Variants in PRELID2 observed in about 807,000 individuals in gnomAD.
PRELID2 encodes PRELI domain-containing protein 2.
PRELID2 carries 25 observed loss-of-function variants against 28.4 expected under a neutral mutation model. The observed-to-expected ratio is 0.88, with a 90% confidence interval of 0.64 to 1.23. The LOEUF (loss-of-function observed/expected upper bound fraction) is 1.23. Among genes scored for constraint, PRELID2 ranks in the 50% most tolerant of loss-of-function variants. The pLI, the probability that PRELID2 is intolerant of heterozygous loss-of-function variation, is 0.00. For synonymous variants in PRELID2, 76 were observed against 71.6 expected (o/e 1.06, Z -0.31); for missense variants, 201 against 214.4 (o/e 0.94, Z 0.39).
At chr5:145,772,041 A>C (rs1758140491) in intron 5 of PRELID2, among the ~76,000 whole-genome samples, 1 of 152,236 alleles carries the variant, frequency 6.6e-6, no homozygotes, top group African/African-American at 2.4e-5. Flanking sequence ...GCAACTTTTA[A>C]TCTGATGCTG....
chr5:145,284,892 G>T, the PRELID2 span, among the ~76,000 whole-genome samples: 3 of 151,992 alleles, frequency 2.0e-5, no homozygotes, highest in Non-Finnish European at 4.4e-5. Flanking sequence ...ATTCAGGAGG[G>T]AAAGAATGCA....
intron 1 of PRELID2, among the ~76,000 whole-genome samples, chr5:145,520,502 AT>A (rs1465318035): frequency 6.6e-6 from 1 of 152,048 alleles, no homozygotes; most frequent in East Asian, 1.9e-4. Flanking sequence ...GTTGTGCCTC[AT>A]CTGTTCACCT....
intron 1 of PRELID2, among the ~76,000 whole-genome samples, chr5:145,580,220 A>G (rs897303099): frequency 2.0e-5 from 3 of 152,114 alleles, no homozygotes; most frequent in African/African-American, 7.2e-5. Context: ...AATGGGCTAT[A>G]GATAACCAAA....
chr5:145,420,280 T>TA, the PRELID2 span, among the ~76,000 whole-genome samples: 58 of 152,258 alleles, frequency 3.8e-4, no homozygotes, highest in African/African-American at 1.3e-3. Flanking sequence ...AAGTCATTGG[T>TA]AGCTTGATGG....
At chr5:145,767,241 A>C (rs1417493935) in intron 5 of PRELID2, among the ~76,000 whole-genome samples, 1 of 151,094 alleles carries the variant, frequency 6.6e-6, no homozygotes, top group Non-Finnish European at 1.5e-5. Flanking sequence ...GCTTGACTTC[A>C]GAGGGATGGC....
At chr5:145,258,530 C>T in the PRELID2 span, among the ~76,000 whole-genome samples, 1 of 151,928 alleles carries the variant, frequency 6.6e-6, no homozygotes, top group Admixed American at 6.6e-5. Flanking sequence ...GTGCCTCTGC[C>T]CAAGGGATAG....
In PRELID2 at chr5:145,630,513, G is replaced by A. The variant is rs1014660218; in HGVS notation, n.70+134418C>T. ...ACAAGCCTGCCTTGAGTGAGTCTGA[G>A]TAAACTGTATCAGCAACATCCCATT... On this transcript the variant is annotated intron_variant and non_coding_transcript_variant, in intron 1 of 2. Coordinates refer to the PRELID2 transcript ENST00000510259. Among the ~76,000 whole-genome samples the A allele has an allele frequency of 5.9e-5, 9 of 152,270 alleles. No individual in the cohort carries two copies. The East Asian group carries it at 1.7e-3, about 29-fold the overall frequency.
the PRELID2 span, among the ~76,000 whole-genome samples, chr5:145,380,628 A>G: frequency 6.6e-6 from 1 of 152,144 alleles, no homozygotes; most frequent in Non-Finnish European, 1.5e-5. Context: ...TTGTTACAGA[A>G]TATTGTTTTT....
chr5:145,713,613 T>C, intron 1 of PRELID2, among the ~76,000 whole-genome samples: 1 of 131,106 alleles, frequency 7.6e-6, no homozygotes, highest in Non-Finnish European at 1.6e-5. Context: ...ATAAAATATA[T>C]ATAGTAAATA....
At chr5:145,366,019 TAAA>T in the PRELID2 span, among the ~76,000 whole-genome samples, 2 of 151,970 alleles carry the variant, frequency 1.3e-5, no homozygotes, top group Non-Finnish European at 2.9e-5. Flanking sequence ...TTTCTATTTC[TAAA>T]ATAGATATCT....
At chr5:145,817,198 A>AAATATATAT (rs1365517052) in intron 4 of PRELID2, among the ~76,000 whole-genome samples, 13 of 70,084 alleles carry the variant, frequency 1.9e-4, no homozygotes, top group Admixed American at 1.8e-4. Flanking sequence ...TTCAAAAAAA[A>AAATATATAT]ATAAATAAAT....
the PRELID2 span, among the ~76,000 whole-genome samples, chr5:145,440,193 C>A: frequency 6.6e-6 from 1 of 152,072 alleles, no homozygotes; most frequent in Non-Finnish European, 1.5e-5. Context: ...TGACTTTTTT[C>A]TCTGTCATGA....
intron 1 of PRELID2, among the ~76,000 whole-genome samples, chr5:145,703,636 A>T (rs1423113951): frequency 1.3e-5 from 2 of 152,240 alleles, no homozygotes; most frequent in Non-Finnish European, 2.9e-5. Flanking sequence ...AAATTGGCTT[A>T]GGTCCATTAC....
intron 1 of PRELID2, among the ~76,000 whole-genome samples, chr5:145,514,318 C>CAAAAAAAAA (rs55760860): frequency 3.6e-4 from 24 of 67,478 alleles, no homozygotes; most frequent in African/African-American, 7.4e-4. Context: ...AAATGGAAAG[C>CAAAAAAAAA]AAAAAAAAAA....
At chr5:145,825,310 A>T (rs910804933) in intron 1 of PRELID2, among the ~76,000 whole-genome samples, 8 of 150,306 alleles carry the variant, frequency 5.3e-5, no homozygotes, top group African/African-American at 1.7e-4. Context: ...TCCGAGTTAC[A>T]TGCCCATGAC....
chr5:145,615,183 C>T (rs1753676618), intron 1 of PRELID2, among the ~76,000 whole-genome samples: 1 of 152,134 alleles, frequency 6.6e-6, no homozygotes, highest in African/African-American at 2.4e-5. Context: ...CTTTTAACTG[C>T]TATTGCTTTA....
chr5:145,459,568 A>G, the PRELID2 span, among the ~76,000 whole-genome samples: 1 of 152,150 alleles, frequency 6.6e-6, no homozygotes, highest in Non-Finnish European at 1.5e-5. Flanking sequence ...CTTAATTAAC[A>G]ATTTAAGTCA....
rs911243662 is a variant in PRELID2, at chr5:145,498,873, C to T, written n.71-25558G>A. Among the ~76,000 whole-genome samples the T allele has an allele frequency of 5.3e-5, 8 of 151,598 alleles. No homozygotes were observed. The South Asian group carries it at 6.2e-4, about 12-fold the overall frequency. On this transcript the variant is annotated intron_variant and non_coding_transcript_variant, in intron 1 of 2. Coordinates refer to the PRELID2 transcript ENST00000510259. ...GATTACAGGTATGAGCCACCACACC[C>T]GGCCTGAGAACTTGTCTCTTAAAAA...
At position 145,817,984 on chromosome 5, in the gene PRELID2, A is replaced by G. The variant is rs1183967894; in HGVS notation, c.278T>C (p.Met93Thr). ...ESWLNPRERN[M>T]AIRSHCLTWT... ...CGTAAGGCAGTGACTCCGTATGGCC[A>G]TGTTTCTTTCCCGAGGATTGAGCCA... The change falls in exon 4 of 7, where the codon ATG (methionine) becomes ACG (threonine). Residue 93 changes from methionine to threonine, a missense_variant. Physicochemically the swap from Met to Thr is moderately conservative, Grantham distance 81. Transcript: ENST00000683046. 6.2e-7 allele frequency: 1 copy of G among 1,612,486 alleles called. No homozygotes were observed. Among genetic ancestry groups the G allele is most frequent in the East Asian group, 2.2e-5 (1 of 44,770 alleles).
Sources: allele counts gnomAD v4.1 joint callset (sites outside exome capture counted in the v4.1 genomes callset), GRCh38; gene constraint gnomAD v4.1.1; transcripts MANE v1.5; gene names NCBI Gene and HGNC (gene_info 2026-07-23, HGNC 2026-07-21).